PDS5A: variants seen among roughly 807,000 people sequenced by gnomAD.
PDS5A encodes the protein PDS5 cohesin associated factor A, also known as sister chromatid cohesion protein PDS5 homolog A.
In PDS5A, 42 loss-of-function variants were observed where a neutral mutation model predicts 167.1. The ratio of observed to expected loss-of-function variants is 0.25; its 90% CI spans 0.20 to 0.33. PDS5A has a LOEUF of 0.33. Among genes scored for constraint, PDS5A ranks in the 10% least tolerant of loss-of-function variants. The pLI is 1.00. For missense variants in PDS5A, 1,033 were observed against 1,605.9 expected, an observed-to-expected ratio of 0.64 and a Z score of 6.10; for synonymous variants, 553 against 554.6, an observed-to-expected ratio of 1.00 and a Z score of 0.04.
At chr4:39,890,458 A>AT (rs1721863361) in intron 16 of PDS5A, 94 bp from the exon 17 acceptor site, 1 of 715,742 alleles carries the variant, frequency 1.4e-6, no homozygotes, top group African/African-American at 1.8e-5. Flanking sequence ...CAAAACCAGC[A>AT]TAAGTGGTTA....
At chr4:39,973,316 C>A in intron 2 of PDS5A, 1 of 1,607,390 alleles carries the variant, frequency 6.2e-7, no homozygotes. Flanking sequence ...GGTTCCTGAC[C>A]TTGTACATGA....
chr4:39,882,077 C>A (rs1368910001), intron 17 of PDS5A, among the ~76,000 whole-genome samples: 1 of 152,198 alleles, frequency 6.6e-6, no homozygotes, highest in Non-Finnish European at 1.5e-5. Flanking sequence ...TTCATTAAAA[C>A]CTCTTTCCTT....
chr4:39,872,717 T>C, intron 21 of PDS5A: 1 of 227,544 alleles, frequency 4.4e-6, no homozygotes, highest in Non-Finnish European at 8.4e-6. Flanking sequence ...CTTTTGAGGG[T>C]CAGGAAAATA....
intron 19 of PDS5A, among the ~76,000 whole-genome samples, chr4:39,875,226 A>G (rs937806007): frequency 6.6e-6 from 1 of 152,206 alleles, no homozygotes; most frequent in African/African-American, 2.4e-5. Context: ...GACATGAAAA[A>G]GCATTAGGTA....
intron 26 of PDS5A, among the ~76,000 whole-genome samples, chr4:39,850,332 A>T (rs998577446): frequency 1.3e-5 from 2 of 151,782 alleles, no homozygotes; most frequent in Non-Finnish European, 2.9e-5. Context: ...TACAAAAAAA[A>T]TACAAAAATT....
chr4:39,892,633 C>T (rs1722072984), intron 16 of PDS5A, among the ~76,000 whole-genome samples: 1 of 152,158 alleles, frequency 6.6e-6, no homozygotes, highest in Non-Finnish European at 1.5e-5. Flanking sequence ...CTGCAAGCTC[C>T]ATGAGAAACC....
chr4:39,953,167 GT>G (rs1431297587), intron 2 of PDS5A, among the ~76,000 whole-genome samples: 3 of 152,128 alleles, frequency 2.0e-5, no homozygotes, highest in Non-Finnish European at 4.4e-5. Context: ...TGGTTTAGAG[GT>G]CTTGGAATAC....
chr4:39,973,012 T>C, intron 2 of PDS5A: 2 of 521,332 alleles, frequency 3.8e-6, no homozygotes. Context: ...AAGTTTCCTT[T>C]CCTTTTTAAA....
chr4:39,850,674 A>C (rs1285760319), intron 26 of PDS5A, among the ~76,000 whole-genome samples: 1 of 152,090 alleles, frequency 6.6e-6, no homozygotes, highest in Admixed American at 6.6e-5. Context: ...TGTGTGTGGT[A>C]CCCAGCCACC....
chr4:39,863,872 T>C (rs1451941563), intron 23 of PDS5A, among the ~76,000 whole-genome samples: 1 of 152,212 alleles, frequency 6.6e-6, no homozygotes, highest in Non-Finnish European at 1.5e-5. Flanking sequence ...GGCTCACACC[T>C]GTAATCCCAG....
chr4:39,839,653 T>C (rs1216740658), intron 31 of PDS5A, among the ~76,000 whole-genome samples: 1 of 150,148 alleles, frequency 6.7e-6, no homozygotes, highest in Non-Finnish European at 1.5e-5. Flanking sequence ...TGCATAATCC[T>C]AGTATATTTA....
intron 9 of PDS5A, 30 bp downstream of exon 9, chr4:39,913,579 AAT>A: frequency 8.2e-7 from 1 of 1,217,444 alleles, no homozygotes; most frequent in Non-Finnish European, 1.2e-6. Context: ...TATTTTCTAA[AAT>A]ATAAACATCA....
intron 9 of PDS5A, among the ~76,000 whole-genome samples, chr4:39,911,496 G>A (rs1050244263): frequency 5.3e-5 from 8 of 151,924 alleles, no homozygotes; most frequent in Non-Finnish European, 1.0e-4. Flanking sequence ...TCTAGTATAC[G>A]TTAAGAATTC....
At chr4:39,861,458 G>A (rs1464224061) in intron 26 of PDS5A, among the ~76,000 whole-genome samples, 6 of 151,768 alleles carry the variant, frequency 4.0e-5, no homozygotes, top group African/African-American at 1.2e-4. Flanking sequence ...ACTCCATCTC[G>A]GAAAAAAATA....
Position 39,866,883 on chromosome 4 carries a change from G to A in PDS5A, c.2620C>T (p.Leu874=), listed in dbSNP as rs1719505112. 1.2e-6 allele frequency: 2 copies of A among 1,612,672 alleles called. No homozygotes were observed. The highest frequency in any genetic ancestry group is 2.2e-5 in the East Asian group (1 of 44,842). Residue 874 remains leucine (L), a synonymous_variant, in exon 23 of 33, where the codon CTG becomes TTG. Coordinates refer to ENST00000303538, the MANE Select transcript of PDS5A (RefSeq NM_001100399.2). ...CACCTGATCCTCTTTTGCTCTGTCA[G>A]GTCACCCTCACTAACCAACATCGCT... ...LSAMLVSEGD[L]TEQKRISKSD... is the part of the protein sequence containing the mutation.
At chr4:39,897,320 A>G (rs748818537) in intron 16 of PDS5A, among the ~76,000 whole-genome samples, 2 of 152,142 alleles carry the variant, frequency 1.3e-5, no homozygotes, top group Non-Finnish European at 2.9e-5. Context: ...GTCTGAACCC[A>G]GGAGGTGGAG....
At chr4:39,892,227 T>C (rs1722038582) in intron 16 of PDS5A, among the ~76,000 whole-genome samples, 1 of 152,070 alleles carries the variant, frequency 6.6e-6, no homozygotes, top group Non-Finnish European at 1.5e-5. Flanking sequence ...TCGTTTGAGG[T>C]CAGGAGTTTT....
intron 2 of PDS5A, chr4:39,973,809 G>A: frequency 4.1e-6 from 5 of 1,222,540 alleles, no homozygotes; most frequent in Non-Finnish European, 6.1e-6. Flanking sequence ...GTTACTTCAT[G>A]GCAGCTATTC....
intron 16 of PDS5A, among the ~76,000 whole-genome samples, chr4:39,893,909 T>C (rs1722178476): frequency 1.3e-5 from 2 of 152,240 alleles, no homozygotes; most frequent in African/African-American, 2.4e-5. Context: ...AGAGCACTGA[T>C]TGGCTATACT....
Sources: allele counts gnomAD v4.1 joint callset (sites outside exome capture counted in the v4.1 genomes callset), GRCh38; gene constraint gnomAD v4.1.1; transcripts MANE v1.5; gene names NCBI Gene and HGNC (gene_info 2026-07-23, HGNC 2026-07-21).